IMMP2L: variants seen among roughly 807,000 people sequenced by gnomAD.
IMMP2L encodes inner mitochondrial membrane peptidase subunit 2.
A neutral mutation model predicts 19.3 loss-of-function variants in IMMP2L; 18 were observed. The observed-to-expected ratio is 0.93, with a 90% CI of 0.64 to 1.38. IMMP2L has a LOEUF of 1.38. Among genes scored for constraint, IMMP2L ranks in the 40% most tolerant of loss-of-function variants. The pLI is 0.00. For synonymous variants in IMMP2L, 76 were observed against 73.0 expected, an observed-to-expected ratio of 1.04 and a Z score of -0.21; for missense variants, 233 against 218.2, an observed-to-expected ratio of 1.07 and a Z score of -0.43.
At chr7:110,781,043 T>C (rs1168535758) in intron 5 of IMMP2L, among the ~76,000 whole-genome samples, 1 of 151,970 alleles carries the variant, frequency 6.6e-6, no homozygotes, top group Non-Finnish European at 1.5e-5. Context: ...ATGTGTTCCA[T>C]TTGTTAACCT....
intron 3 of IMMP2L, among the ~76,000 whole-genome samples, chr7:111,410,350 T>C (rs1225975213): frequency 6.6e-6 from 1 of 151,602 alleles, no homozygotes; most frequent in South Asian, 2.1e-4. Context: ...ATAATTTAAA[T>C]GCCTACCAAA....
intron 4 of IMMP2L, among the ~76,000 whole-genome samples, chr7:110,922,876 T>C (rs1169701791): frequency 6.6e-6 from 1 of 152,194 alleles, no homozygotes; most frequent in Non-Finnish European, 1.5e-5. Flanking sequence ...ATTTGATGTG[T>C]AACAAGATAA....
chr7:111,126,800 G>C (rs2129591692), intron 3 of IMMP2L, among the ~76,000 whole-genome samples: 1 of 152,208 alleles, frequency 6.6e-6, no homozygotes, highest in African/African-American at 2.4e-5. Context: ...TAGGCAAATT[G>C]TTTATCTCTC....
chr7:110,736,067 C>A (rs191308432), intron 5 of IMMP2L, among the ~76,000 whole-genome samples: 1 of 152,044 alleles, frequency 6.6e-6, no homozygotes, highest in Admixed American at 6.6e-5. Flanking sequence ...AATTCAGGTG[C>A]GGTGCTCCTC....
At position 111,350,036 on chromosome 7, in the gene IMMP2L, C is replaced by G. The variant is rs139463492; in HGVS notation, c.239+137202G>C. Among the ~76,000 whole-genome samples the G allele has an allele frequency of 3.4e-3, 520 of 151,068 alleles. 6 individuals are homozygous for G. The highest frequency in any genetic ancestry group is 0.012 in the African/African-American group (503 of 41,120). Reference sequence around the variant, plus strand: ...AGACTGGAGTGCAGTGGTGCGATCTCAGCTCACTGCAACCTCCATCTTCTG... The same window carrying G: ...AGACTGGAGTGCAGTGGTGCGATCTGAGCTCACTGCAACCTCCATCTTCTG... On this transcript the variant is annotated intron_variant, in intron 3 of 5. Transcript: ENST00000405709.
chr7:110,959,765 C>T (rs988865442), intron 4 of IMMP2L, among the ~76,000 whole-genome samples: 4 of 151,848 alleles, frequency 2.6e-5, no homozygotes, highest in East Asian at 1.9e-4. Flanking sequence ...GGTGTCAATT[C>T]GCAGACTTTA....
At chr7:110,849,378 T>C (rs932507583) in intron 5 of IMMP2L, among the ~76,000 whole-genome samples, 1 of 152,132 alleles carries the variant, frequency 6.6e-6, no homozygotes, top group Non-Finnish European at 1.5e-5. Context: ...AAACAATACA[T>C]GTCTACGAAA....
chr7:110,704,918 T>G (rs993654074), intron 5 of IMMP2L, among the ~76,000 whole-genome samples: 1 of 152,182 alleles, frequency 6.6e-6, no homozygotes, highest in Non-Finnish European at 1.5e-5. Context: ...CTAAGAAAAC[T>G]TTCCAGCAAA....
chr7:111,162,365 C>A (rs1805358732), intron 3 of IMMP2L, among the ~76,000 whole-genome samples: 1 of 151,980 alleles, frequency 6.6e-6, no homozygotes, highest in South Asian at 2.1e-4. Context: ...GCAATGACCT[C>A]AGGTAAACAC....
At chr7:111,428,680 C>T (rs958140941) in intron 3 of IMMP2L, among the ~76,000 whole-genome samples, 10 of 151,790 alleles carry the variant, frequency 6.6e-5, no homozygotes, top group Non-Finnish European at 1.3e-4. Context: ...AAAAAGGTCA[C>T]AAAAAGACTT....
intron 3 of IMMP2L, among the ~76,000 whole-genome samples, chr7:111,419,906 C>T (rs1487430463): frequency 6.6e-6 from 1 of 151,752 alleles, no homozygotes; most frequent in African/African-American, 2.4e-5. Flanking sequence ...AGGTGGTTTC[C>T]AGACACTGGA....
At chr7:111,295,988 A>T (rs200001219) in intron 3 of IMMP2L, among the ~76,000 whole-genome samples, 94 of 29,496 alleles carry the variant, frequency 3.2e-3, no homozygotes, top group African/African-American at 0.027. Flanking sequence ...AGAATGTTAA[A>T]AAAAAAAAAA....
intron 3 of IMMP2L, among the ~76,000 whole-genome samples, chr7:110,989,531 C>T (rs1322330471): frequency 1.6e-5 from 1 of 60,962 alleles, no homozygotes; most frequent in East Asian, 5.0e-4. Flanking sequence ...CTCTGTCTCC[C>T]AAAAAAAAAA....
chr7:110,807,334 A>G (rs539713615), intron 5 of IMMP2L, among the ~76,000 whole-genome samples: 25 of 152,056 alleles, frequency 1.6e-4, no homozygotes, highest in Non-Finnish European at 2.9e-4. Flanking sequence ...TTCTTTGGCC[A>G]TTAAAAAACC....
chr7:110,722,838 G>A (rs977992468), intron 5 of IMMP2L, among the ~76,000 whole-genome samples: 10 of 152,098 alleles, frequency 6.6e-5, no homozygotes, highest in African/African-American at 2.4e-4. Context: ...GGGTAGGGGT[G>A]TGAAGCAGAG....
At chr7:111,404,122 C>A (rs1457486007) in intron 3 of IMMP2L, among the ~76,000 whole-genome samples, 2 of 151,970 alleles carry the variant, frequency 1.3e-5, no homozygotes, top group Non-Finnish European at 2.9e-5. Context: ...AAACAAATGG[C>A]CACAGAAATT....
intron 3 of IMMP2L, among the ~76,000 whole-genome samples, chr7:111,100,831 A>T (rs1313813543): frequency 6.6e-6 from 1 of 151,690 alleles, no homozygotes; most frequent in African/African-American, 2.4e-5. Context: ...TGAAATAAGG[A>T]AAGTTTTATT....
In IMMP2L at chr7:110,870,695, G is replaced by T. The variant is rs7810224; in HGVS notation, c.408+15898C>A. On this transcript the variant is annotated intron_variant, in intron 5 of 5. Coordinates refer to ENST00000405709, the MANE Select transcript of IMMP2L (RefSeq NM_032549.4). This position sits in a 1 kb window ranked among gnomAD's most constrained non-coding sequence, Gnocchi z 4.2. ...AATTCAAGGAAGAGGATCTAGCTAGGACAAAAGGCCTTTCACCTGTTCAAA... is the reference window on the plus strand; with the variant it reads ...AATTCAAGGAAGAGGATCTAGCTAGTACAAAAGGCCTTTCACCTGTTCAAA... Among the ~76,000 whole-genome samples the T allele has an allele frequency of 0.044, 6,635 of 152,098 alleles. 460 individuals carry two copies. The highest frequency in any genetic ancestry group is 0.15 in the African/African-American group (6,196 of 41,464).
rs573890669 is a variant in IMMP2L at position 111,094,930 on chromosome 7, T to C, written c.240-131365A>G. On this transcript the variant is annotated intron_variant, in intron 3 of 5. Coordinates refer to ENST00000405709, the MANE Select transcript of IMMP2L (RefSeq NM_032549.4). ...CTCAATAGATGCTATTTAGAGGTCA[T>C]TAAATACAGGATTAACAAGGAAGAC... 2.0e-5 allele frequency among the ~76,000 whole-genome samples: 3 copies of C among 152,058 alleles called. No homozygotes were observed. The South Asian group carries it at 6.2e-4, about 31-fold the overall frequency.
Sources: gnomAD v4.1 joint callset for allele counts (sites outside exome capture counted in the v4.1 genomes callset) on GRCh38, gnomAD v4.1.1 for gene constraint, Gnocchi (gnomAD v3.1) non-coding constraint, MANE v1.5 for transcripts, NCBI Gene and HGNC (gene_info 2026-07-23, HGNC 2026-07-21) for gene names.